Variants in CDC5L observed in about 807,000 individuals in gnomAD.
CDC5L encodes cell division cycle 5-like protein.
Under a neutral mutation model 104.1 loss-of-function variants are expected in CDC5L, and 18 were observed. That is an observed-to-expected ratio of 0.17 (90% CI 0.12 to 0.26). The LOEUF (loss-of-function observed/expected upper bound fraction) is 0.26. Among genes scored for constraint, CDC5L ranks in the 10% least tolerant of loss-of-function variants. The pLI, the probability that CDC5L is intolerant of heterozygous loss-of-function variation, is 1.00. For synonymous variants in CDC5L, 331 were observed against 322.7 expected, an observed-to-expected ratio of 1.03 and a Z score of -0.28; for missense variants, 673 against 956.9, an observed-to-expected ratio of 0.70 and a Z score of 3.91.
intron 4 of CDC5L, among the ~76,000 whole-genome samples, chr6:44,395,171 A>G (rs1790814144): frequency 6.6e-6 from 1 of 152,168 alleles, no homozygotes; most frequent in African/African-American, 2.4e-5. Context: ...ACAAACGTAG[A>G]TGGAAAGAAA....
chr6:44,432,539 T>C (rs1310898930), intron 14 of CDC5L, among the ~76,000 whole-genome samples: 3 of 151,930 alleles, frequency 2.0e-5, no homozygotes, highest in African/African-American at 7.2e-5. Flanking sequence ...AAAAATGCCC[T>C]GAGGTTTATA....
intron 9 of CDC5L, among the ~76,000 whole-genome samples, chr6:44,420,210 C>T (rs549879571): frequency 2.0e-5 from 3 of 152,202 alleles, no homozygotes; most frequent in Non-Finnish European, 2.9e-5. Flanking sequence ...CCCTCATGCG[C>T]GTATGCCTAT....
At chr6:44,400,248 G>C (rs1232603920) in intron 5 of CDC5L, among the ~76,000 whole-genome samples, 6 of 152,130 alleles carry the variant, frequency 3.9e-5, no homozygotes, top group Non-Finnish European at 2.9e-5. Flanking sequence ...TAGCATATGG[G>C]TCATTCTTTC....
intron 1 of CDC5L, 35 bp downstream of exon 1, chr6:44,387,903 G>T (rs1364801213): frequency 2.6e-6 from 4 of 1,549,494 alleles, no homozygotes; most frequent in Non-Finnish European, 3.5e-6. Flanking sequence ...GCTGCCCGCC[G>T]CTCCCTCTAG....
In CDC5L at chr6:44,450,196, A is replaced by G. The variant is rs1793594508; in HGVS notation, c.*3485A>G. 6.6e-6 allele frequency: 1 copy of G among 152,182 alleles called. No individual in the cohort carries two copies. Among genetic ancestry groups the G allele is most frequent in the Non-Finnish European group, 1.5e-5 (1 of 68,028 alleles). 9.4% of individuals were successfully genotyped at this position (152,182 alleles called of 1,614,324 possible). ...TGTATTTTGATATTGGGATTTTGCT[A>G]GCTCTCTAAAGTAAATAGGATAACT... On this transcript the variant is annotated 3_prime_UTR_variant, in exon 16 of 16. Coordinates refer to ENST00000371477, the MANE Select transcript of CDC5L (RefSeq NM_001253.4).
chr6:44,421,864 C>T (rs11572003), intron 9 of CDC5L, among the ~76,000 whole-genome samples: 4,197 of 152,152 alleles, frequency 0.028, 84 homozygotes, highest in South Asian at 0.097. Context: ...AACCAATCCC[C>T]GGTGGATACT....
At chr6:44,401,479 A>G (rs1791122445) in intron 5 of CDC5L, among the ~76,000 whole-genome samples, 1 of 152,042 alleles carries the variant, frequency 6.6e-6, no homozygotes, top group African/African-American at 2.4e-5. Context: ...AGAAATACTG[A>G]TGTCCTAATC....
At chr6:44,387,942 G>GGA (rs1341045329) in intron 1 of CDC5L, 74 bp downstream of exon 1, 145 of 1,448,730 alleles carry the variant, frequency 1.0e-4, no homozygotes, top group Non-Finnish European at 1.3e-4. Context: ...GCGGAGGTCG[G>GGA]GGGGGCGACG....
chr6:44,439,054 T>C (rs1793064157), intron 14 of CDC5L, among the ~76,000 whole-genome samples: 1 of 152,204 alleles, frequency 6.6e-6, no homozygotes, highest in African/African-American at 2.4e-5. Flanking sequence ...TAATCTACTT[T>C]TTGTATCAAT....
intron 14 of CDC5L, among the ~76,000 whole-genome samples, chr6:44,438,078 AGCTGGAACCACAG>A (rs1793016491): frequency 6.6e-6 from 1 of 152,126 alleles, no homozygotes; most frequent in African/African-American, 2.4e-5. Flanking sequence ...TCTCCCAAGT[AGCTGGAACCACAG>A]GCATGTGCCA....
At chr6:44,391,123 T>C (rs932359508) in intron 2 of CDC5L, among the ~76,000 whole-genome samples, 2 of 145,002 alleles carry the variant, frequency 1.4e-5, no homozygotes, top group African/African-American at 5.2e-5. Flanking sequence ...ATTAAACATA[T>C]TTAATATGTT....
At position 44,395,725 on chromosome 6, in the gene CDC5L, G is replaced by A. The variant is rs11571930; in HGVS notation, c.440-616G>A. Among the ~76,000 whole-genome samples, 82 of 152,300 alleles carry A rather than the reference G, an allele frequency of 5.4e-4. 1 individual carries two copies. In the East Asian group the frequency reaches 0.014, roughly 27 times the overall value. ...GGGTGGTGTGGGAGGCACGGGAAGAGCAGTGATCTTGGAATCTGAGTATTT... is the reference window on the plus strand; with the variant it reads ...GGGTGGTGTGGGAGGCACGGGAAGAACAGTGATCTTGGAATCTGAGTATTT... On this transcript the variant is annotated intron_variant, in intron 4 of 15. Transcript: ENST00000371477.
In CDC5L at chr6:44,422,788, T is replaced by A; in HGVS notation, c.1383T>A (p.Asp461Glu). Residue 461 changes from aspartate (D) to glutamate (E), a missense_variant, in exon 10 of 16, where the codon GAT (aspartate) becomes GAA (glutamate). Transcript: ENST00000371477. ...AGGATGGAATGGCAGACTATAGTGA[T>A]CCCTCTTACGTGAAGCAGATGGTAA... is the stretch of plus-strand genomic sequence containing the variant. ...NPEDGMADYS[D>E]PSYVKQMERE... The A allele has an allele frequency of 6.2e-7, 1 of 1,611,842 alleles. No individual in the cohort carries two copies. The highest frequency in any genetic ancestry group is 8.5e-7 in the Non-Finnish European group (1 of 1,178,976).
At chr6:44,405,547 A>G (rs533206895) in intron 6 of CDC5L, among the ~76,000 whole-genome samples, 35 of 152,318 alleles carry the variant, frequency 2.3e-4, no homozygotes, top group African/African-American at 8.4e-4. Flanking sequence ...CCTTTTTAAA[A>G]AAGTTGTGAA....
chr6:44,418,529 G>C (rs1237914254), intron 8 of CDC5L, among the ~76,000 whole-genome samples: 1 of 152,136 alleles, frequency 6.6e-6, no homozygotes, highest in African/African-American at 2.4e-5. Flanking sequence ...GGATGGCTGG[G>C]TCAAATGGTA....
chr6:44,392,067 A>G (rs966466651), intron 2 of CDC5L, among the ~76,000 whole-genome samples: 1 of 152,200 alleles, frequency 6.6e-6, no homozygotes, highest in African/African-American at 2.4e-5. Context: ...TAGTGGTACC[A>G]GTTCCTGCTG....
intron 14 of CDC5L, among the ~76,000 whole-genome samples, chr6:44,442,573 T>G (rs1468697336): frequency 2.0e-5 from 3 of 152,194 alleles, no homozygotes; most frequent in Non-Finnish European, 4.4e-5. Flanking sequence ...ATACACAAAC[T>G]ATACACTTTT....
intron 6 of CDC5L, 72 bp downstream of exon 6, chr6:44,404,099 C>A: frequency 1.0e-6 from 1 of 969,560 alleles, no homozygotes; most frequent in Non-Finnish European, 1.5e-6. Flanking sequence ...CAAGTATTAT[C>A]CTTGTCAGAG....
chr6:44,388,728 G>C (rs1332121674), intron 1 of CDC5L, among the ~76,000 whole-genome samples: 3 of 130,108 alleles, frequency 2.3e-5, no homozygotes, highest in African/African-American at 5.9e-5. Flanking sequence ...ACATCTTTCT[G>C]ATCATCCTTC....
Sources: allele counts gnomAD v4.1 joint callset (sites outside exome capture counted in the v4.1 genomes callset), GRCh38; gene constraint gnomAD v4.1.1; transcripts MANE v1.5; gene names NCBI Gene and HGNC (gene_info 2026-07-23, HGNC 2026-07-21).